Variants in CENPI observed in about 807,000 individuals in gnomAD.
CENPI encodes the protein FSH primary response 1.
CENPI carries 4 observed loss-of-function variants against 60.4 expected under a neutral mutation model. The observed-to-expected ratio is 0.07, with a 90% confidence interval of 0.03 to 0.15. The LOEUF (loss-of-function observed/expected upper bound fraction) is 0.15. Among genes scored for constraint, CENPI ranks in the 10% least tolerant of loss-of-function variants. The pLI is 1.00. For synonymous variants in CENPI, 157 were observed against 189.4 expected (o/e 0.83, Z 1.40); for missense variants, 444 against 534.5 (o/e 0.83, Z 1.67).
rs1209722788 is a variant in CENPI, at chrX:101,161,509, T to C, written c.2095-19T>C. ...TTTTTGTTTTGCTTTGTTTTGTTTT[T>C]TGTTTGTTTGTTTTTAAGGAAAGCC... On this transcript the variant is annotated intron_variant, in intron 20 of 21. Transcript: ENST00000682095. 5 of 1,200,767 alleles carry C rather than the reference T, an allele frequency of 4.2e-6. No homozygotes were observed. In the African/African-American group the frequency reaches 5.2e-5, roughly 13 times the overall value.
At chrX:101,181,020 C>A in the CENPI span, among the ~76,000 whole-genome samples, 680 of 111,730 alleles carry the variant, frequency 6.1e-3, 7 homozygotes, top group African/African-American at 0.021. Flanking sequence ...ATGGTGATAT[C>A]AATTTGTTGC....
Position 101,161,555 on chromosome X carries a change from G to A in CENPI, c.2122G>A (p.Val708Met), listed in dbSNP as rs1157042036. The A allele has an allele frequency of 1.7e-6, 2 of 1,205,401 alleles. No individual in the cohort carries two copies. The highest frequency in any genetic ancestry group is 1.7e-5 in the African/African-American group (1 of 57,219). The change falls in exon 21 of 22, where the codon GTG (valine) becomes ATG (methionine). Residue 708 changes from valine to methionine, a missense_variant. Transcript: ENST00000682095. The part of the protein sequence containing the change: ...QESPEERTVN[V>M]SSIRGKKWSW... ...AAGCCCAGAAGAAAGGACAGTAAAT[G>A]TGAGCTCTATTCGGGTAAATAAATT... is the stretch of plus-strand genomic sequence containing the variant.
intron 13 of CENPI, 61 bp downstream of exon 13, chrX:101,130,134 C>T (rs767805123): frequency 9.2e-5 from 78 of 851,509 alleles, no homozygotes; most frequent in Non-Finnish European, 1.3e-4. Flanking sequence ...ATTTAGATAT[C>T]CATTGAAAAC....
At chrX:101,178,950 T>A in the CENPI span, among the ~76,000 whole-genome samples, 3 of 112,585 alleles carry the variant, frequency 2.7e-5, no homozygotes, top group East Asian at 8.3e-4. Context: ...TTAAGCATTT[T>A]TTAAAGGCGA....
intron 13 of CENPI, among the ~76,000 whole-genome samples, chrX:101,130,481 T>C (rs2089785156): frequency 8.9e-6 from 1 of 111,972 alleles, no homozygotes; most frequent in East Asian, 2.8e-4. Context: ...CTGACATCTT[T>C]TGTAAATAAT....
chrX:101,153,664 A>G (rs989723233), intron 20 of CENPI, among the ~76,000 whole-genome samples: 1 of 111,928 alleles, frequency 8.9e-6, no homozygotes, highest in Non-Finnish European at 1.9e-5. Flanking sequence ...CTAGATACAA[A>G]TCCTTTATCA....
intron 20 of CENPI, among the ~76,000 whole-genome samples, chrX:101,155,623 C>T (rs944474030): frequency 8.9e-6 from 1 of 112,158 alleles, no homozygotes; most frequent in African/African-American, 3.2e-5. Context: ...ATATGTTTAA[C>T]CAACCTTGCA....
chrX:101,144,087 CTT>C (rs58858609), intron 16 of CENPI, among the ~76,000 whole-genome samples: 4 of 79,633 alleles, frequency 5.0e-5, no homozygotes, highest in Non-Finnish European at 7.0e-5. Flanking sequence ...TTTTCTTTTT[CTT>C]TTTTTTTTTT....
At position 101,161,565 on chromosome X, in the gene CENPI, T is replaced by G; in HGVS notation, c.2132T>G (p.Ile711Ser). The part of the protein sequence containing the change: ...PEERTVNVSS[I>S]RGKKWSWYLD... ...GAAAGGACAGTAAATGTGAGCTCTA[T>G]TCGGGTAAATAAATTTACTTTCATC... Residue 711 changes from isoleucine (I) to serine (S), a missense_variant, in exon 21 of 22, where the codon ATT becomes AGT. Physicochemically the swap from Ile to Ser is moderately radical, Grantham distance 142 (BLOSUM62 -2). Transcript: ENST00000682095. 8.3e-7 allele frequency: 1 copy of G among 1,200,876 alleles called. No individual in the cohort carries two copies. The highest frequency in any genetic ancestry group is 1.1e-6 in the Non-Finnish European group (1 of 885,918).
At chrX:101,100,755 CAT>C (rs1368360017) in intron 2 of CENPI, 1 of 238,316 alleles carries the variant, frequency 4.2e-6, no homozygotes, top group East Asian at 7.7e-5. Flanking sequence ...ACTTATATGA[CAT>C]AGCCATTCTA....
chrX:101,170,933 C>A (rs760170427), downstream of CENPI, among the ~76,000 whole-genome samples: 56 of 111,876 alleles, frequency 5.0e-4, no homozygotes, highest in Non-Finnish European at 1.0e-3. Flanking sequence ...ACCTGGCCTC[C>A]AATGCAGTCT....
chrX:101,167,986 G>A (rs2090148374), downstream of CENPI, among the ~76,000 whole-genome samples: 1 of 111,808 alleles, frequency 8.9e-6, no homozygotes, highest in Non-Finnish European at 1.9e-5. Context: ...TTCCTGAGAG[G>A]CCTGACTTTA....
the CENPI span, among the ~76,000 whole-genome samples, chrX:101,175,771 G>T: frequency 9.0e-6 from 1 of 111,404 alleles, no homozygotes; most frequent in South Asian, 3.8e-4. Context: ...CTAACACCTC[G>T]AGTATTTATT....
intron 21 of CENPI, among the ~76,000 whole-genome samples, chrX:101,162,455 CAAAA>C (rs1190768253): frequency 5.6e-5 from 3 of 53,940 alleles, no homozygotes; most frequent in African/African-American, 8.4e-5. Flanking sequence ...AACCGTATCT[CAAAA>C]AAAAAAAAAA....
At chrX:101,156,341 T>C (rs181844833) in intron 20 of CENPI, among the ~76,000 whole-genome samples, 1 of 111,892 alleles carries the variant, frequency 8.9e-6, no homozygotes, top group Non-Finnish European at 1.9e-5. Flanking sequence ...ACAATATACA[T>C]TGACTCTTTG....
chrX:101,154,663 T>C (rs898524318), intron 20 of CENPI, among the ~76,000 whole-genome samples: 4 of 111,882 alleles, frequency 3.6e-5, no homozygotes, highest in Non-Finnish European at 7.5e-5. Flanking sequence ...TTGGGTAGTA[T>C]TGCCATCTTA....
chrX:101,162,529 A>C (rs1423824898), intron 21 of CENPI, among the ~76,000 whole-genome samples: 1 of 106,003 alleles, frequency 9.4e-6, no homozygotes, highest in Non-Finnish European at 1.9e-5. Flanking sequence ...TTACACATTT[A>C]ATATAGGCAG....
chrX:101,152,560 C>T (rs1569503785), intron 20 of CENPI, among the ~76,000 whole-genome samples: 1 of 109,805 alleles, frequency 9.1e-6, no homozygotes, highest in African/African-American at 3.3e-5. Flanking sequence ...TGTCACCATG[C>T]CCCGCTAATT....
At position 101,162,935 on chromosome X, in the gene CENPI, G is replaced by T. The variant is rs1171823481; in HGVS notation, c.2239G>T (p.Ala747Ser). ...SSVHHSSIPRAEGINCNNQY is the reference protein window; with the variant it reads ...SSVHHSSIPRSEGINCNNQY ...TGTTCATCATTCTTCCATTCCCAGA[G>T]CAGAGGGCATAAACTGCAACAATCA... The change falls in exon 22 of 22, where the codon GCA becomes TCA. Residue 747 changes from alanine (A) to serine (S), a missense_variant. Coordinates refer to ENST00000682095, the MANE Select transcript of CENPI (RefSeq NM_001386188.2). 1 of 1,209,373 alleles carries T rather than the reference G, an allele frequency of 8.3e-7. No homozygotes were observed. The highest frequency in any genetic ancestry group is 3.0e-5 in the East Asian group (1 of 33,772).
Sources: allele counts gnomAD v4.1 joint callset (sites outside exome capture counted in the v4.1 genomes callset), GRCh38; gene constraint gnomAD v4.1.1; transcripts MANE v1.5; gene names NCBI Gene and HGNC (gene_info 2026-07-23, HGNC 2026-07-21).